Variants in PCDH7 observed in about 807,000 individuals in gnomAD.
PCDH7 encodes the protein protocadherin-7.
Under a neutral mutation model 58.9 loss-of-function variants are expected in PCDH7, and 17 were observed. The observed-to-expected ratio is 0.29, with a 90% CI of 0.20 to 0.43. PCDH7 has a LOEUF of 0.43. Among genes scored for constraint, PCDH7 ranks in the 20% least tolerant of loss-of-function variants. The pLI, the probability that PCDH7 is intolerant of heterozygous loss-of-function variation, is 1.00. For synonymous variants in PCDH7, 664 were observed against 616.4 expected (o/e 1.08, Z -1.14); for missense variants, 1,274 against 1,441.0 (o/e 0.88, Z 1.88).
At chr4:31,005,661 GT>G (rs1560570982) in intron 3 of PCDH7, among the ~76,000 whole-genome samples, 1 of 152,038 alleles carries the variant, frequency 6.6e-6, no homozygotes, top group African/African-American at 2.4e-5. Context: ...GATTTTAACC[GT>G]TTTGCAAGTA....
intron 1 of PCDH7, among the ~76,000 whole-genome samples, chr4:30,798,228 G>T (rs2310224): frequency 0.16 from 24,271 of 152,136 alleles, 2,176 homozygotes; most frequent in East Asian, 0.3. Context: ...TCAGACAGCA[G>T]AGGTCTTTAC....
chr4:30,910,181 T>A (rs1358078741), intron 1 of PCDH7, among the ~76,000 whole-genome samples: 4 of 152,162 alleles, frequency 2.6e-5, no homozygotes, highest in African/African-American at 9.7e-5. Flanking sequence ...TAACTCAAGA[T>A]GGATTAAAGA....
chr4:30,782,229 T>G (rs1340474548), intron 1 of PCDH7, among the ~76,000 whole-genome samples: 1 of 152,158 alleles, frequency 6.6e-6, no homozygotes, highest in Admixed American at 6.6e-5. Context: ...TTCTTAAACA[T>G]GCCAAAAATG....
intron 1 of PCDH7, among the ~76,000 whole-genome samples, chr4:30,832,830 A>G (rs531655506): frequency 1.3e-5 from 2 of 152,316 alleles, no homozygotes; most frequent in South Asian, 4.1e-4. Flanking sequence ...TAAATATATT[A>G]TCCATTAACT....
At chr4:30,840,222 A>G (rs577053099) in intron 1 of PCDH7, among the ~76,000 whole-genome samples, 1 of 152,078 alleles carries the variant, frequency 6.6e-6, no homozygotes, top group African/African-American at 2.4e-5. Context: ...GAAAAAAAAG[A>G]CACAAAACTG....
At chr4:30,745,633 C>T (rs1717677888) in intron 1 of PCDH7, among the ~76,000 whole-genome samples, 1 of 151,908 alleles carries the variant, frequency 6.6e-6, no homozygotes, top group Non-Finnish European at 1.5e-5. Context: ...CGACTTTTCT[C>T]CTGTCACTCT....
chr4:30,868,441 C>T (rs535275154), intron 1 of PCDH7, among the ~76,000 whole-genome samples: 8 of 152,188 alleles, frequency 5.3e-5, no homozygotes, highest in East Asian at 1.9e-4. Context: ...TGAGCACTTA[C>T]GAGCAGGCGT....
At chr4:30,953,012 C>T (rs188486715) in intron 3 of PCDH7, among the ~76,000 whole-genome samples, 29 of 152,142 alleles carry the variant, frequency 1.9e-4, no homozygotes, top group African/African-American at 6.5e-4. Flanking sequence ...GTGCCTGAAG[C>T]GTAGAATAAA....
intron 1 of PCDH7, among the ~76,000 whole-genome samples, chr4:30,794,211 T>TA (rs1490833265): frequency 6.6e-6 from 1 of 152,174 alleles, no homozygotes; most frequent in Non-Finnish European, 1.5e-5. Context: ...TATTGGACTA[T>TA]AAAAAACAGC....
intron 3 of PCDH7, among the ~76,000 whole-genome samples, chr4:31,084,924 A>C (rs1397451163): frequency 2.0e-5 from 3 of 152,086 alleles, no homozygotes; most frequent in African/African-American, 7.2e-5. Context: ...CCCGTGGTCC[A>C]AACACCTTAC....
chr4:31,050,320 G>A (rs1461288116), intron 3 of PCDH7, among the ~76,000 whole-genome samples: 3 of 152,240 alleles, frequency 2.0e-5, no homozygotes, highest in East Asian at 3.9e-4. Context: ...CTGCTATGTA[G>A]ACTACAATAT....
At chr4:30,836,255 G>A (rs1165941604) in intron 1 of PCDH7, among the ~76,000 whole-genome samples, 2 of 152,186 alleles carry the variant, frequency 1.3e-5, no homozygotes, top group Non-Finnish European at 2.9e-5. Context: ...ATAAGATGTA[G>A]TCTATACCCT....
At chr4:30,901,091 A>G (rs1389545664) in intron 1 of PCDH7, among the ~76,000 whole-genome samples, 1 of 152,172 alleles carries the variant, frequency 6.6e-6, no homozygotes, top group African/African-American at 2.4e-5. Context: ...AATTACTTTT[A>G]CTAGAATGTA....
chr4:31,075,992 T>C (rs1367198292), intron 3 of PCDH7, among the ~76,000 whole-genome samples: 1 of 152,188 alleles, frequency 6.6e-6, no homozygotes, highest in African/African-American at 2.4e-5. Context: ...CCAATGTAGG[T>C]TATGACCTCA....
Position 30,792,874 on chromosome 4 carries a change from C to T in PCDH7, c.70+68278C>T, listed in dbSNP as rs114367421. Among the ~76,000 whole-genome samples, 16 of 152,136 alleles carry T rather than the reference C, an allele frequency of 1.1e-4. No homozygotes were observed. The East Asian group carries it at 1.5e-3, about 15-fold the overall frequency. On this transcript the variant is annotated intron_variant, in intron 1 of 3. Coordinates refer to the PCDH7 transcript ENST00000509759. ...AAAAGATCAGAAACTGGCTGCCTCC[C>T]GATAATACATTTCGAGTGGGTACAG...
At chr4:31,038,929 T>C (rs2109200402) in intron 3 of PCDH7, among the ~76,000 whole-genome samples, 1 of 152,310 alleles carries the variant, frequency 6.6e-6, no homozygotes, top group African/African-American at 2.4e-5. Flanking sequence ...CGAAGACTCC[T>C]TGTGTGTATC....
chr4:31,130,752 G>A (rs1718882216), intron 3 of PCDH7, among the ~76,000 whole-genome samples: 2 of 152,088 alleles, frequency 1.3e-5, no homozygotes, highest in Admixed American at 6.6e-5. Context: ...CATCTTCAAA[G>A]CTGGCAATGA....
intron 3 of PCDH7, among the ~76,000 whole-genome samples, chr4:31,097,638 A>ATC (rs370034723): frequency 3.8e-5 from 3 of 79,252 alleles, no homozygotes; most frequent in African/African-American, 1.7e-4. Flanking sequence ...ATATATATAT[A>ATC]AATCTTTTTT....
chr4:31,140,872 A>G (rs1720167776), intron 3 of PCDH7, among the ~76,000 whole-genome samples: 1 of 152,218 alleles, frequency 6.6e-6, no homozygotes, highest in African/African-American at 2.4e-5. Context: ...AGCATCGGCA[A>G]CTGGAATAAA....
Sources: allele counts gnomAD v4.1 joint callset (sites outside exome capture counted in the v4.1 genomes callset), GRCh38; gene constraint gnomAD v4.1.1; transcripts MANE v1.5; gene names NCBI Gene and HGNC (gene_info 2026-07-23, HGNC 2026-07-21).